The following GABRB1 variants were observed in gnomAD, a reference collection of about 807,000 sequenced individuals.
GABRB1 encodes gamma-aminobutyric acid type A receptor subunit beta1, also known as gamma-aminobutyric acid receptor subunit beta-1.
In GABRB1, 17 loss-of-function variants were observed where a neutral mutation model predicts 51.6. The ratio of observed to expected loss-of-function variants is 0.33; its 90% CI spans 0.23 to 0.49. The LOEUF (loss-of-function observed/expected upper bound fraction) is 0.49. Ranked by LOEUF, GABRB1 falls within the 20% of genes least tolerant of loss-of-function variation. GABRB1 has a pLI of 0.99. For missense variants in GABRB1, 410 were observed against 600.6 expected (o/e 0.68, Z 3.32); for synonymous variants, 247 against 218.9 (o/e 1.13, Z -1.14).
Position 47,425,835 on chromosome 4 carries a change from C to T in GABRB1, c.1242C>T (p.Tyr414=), listed in dbSNP as rs1422494010. 1.1e-5 allele frequency: 18 copies of T among 1,613,942 alleles called. No homozygotes were observed. The highest frequency in any genetic ancestry group is 1.6e-4 in the Middle Eastern group (1 of 6,084). ...YRKPLSSREA[Y]GRALDRHGVP... ...AGCCCCTGAGCAGCCGCGAGGCCTA[C>T]GGGCGCGCCCTGGACCGGCACGGGG... is the stretch of plus-strand genomic sequence containing the variant. Residue 414 remains tyrosine, a synonymous_variant, in exon 9 of 9, where the codon TAC becomes TAT. Transcript: ENST00000295454.
chr4:47,159,167 C>T (rs1717830175), intron 3 of GABRB1, among the ~76,000 whole-genome samples: 1 of 151,652 alleles, frequency 6.6e-6, no homozygotes, highest in Non-Finnish European at 1.5e-5. Flanking sequence ...CCTGTAGTCC[C>T]AAGTACTTGA....
chr4:47,261,075 G>A (rs1038059317), intron 4 of GABRB1, among the ~76,000 whole-genome samples: 10 of 152,018 alleles, frequency 6.6e-5, no homozygotes, highest in African/African-American at 1.2e-4. Context: ...TATCTATGAC[G>A]AACCCACAGC....
At chr4:47,175,881 C>T (rs1162627179) in intron 4 of GABRB1, among the ~76,000 whole-genome samples, 1 of 152,046 alleles carries the variant, frequency 6.6e-6, no homozygotes, top group Admixed American at 6.6e-5. Context: ...CTCTTGGCCA[C>T]TTGTTTAAAT....
chr4:47,299,167 A>G (rs1035057604), intron 4 of GABRB1, among the ~76,000 whole-genome samples: 1 of 152,218 alleles, frequency 6.6e-6, no homozygotes, highest in Admixed American at 6.5e-5. Flanking sequence ...ACCATTCAGG[A>G]CATAGACATG....
intron 5 of GABRB1, among the ~76,000 whole-genome samples, chr4:47,341,174 G>T (rs1281122792): frequency 6.6e-6 from 1 of 152,170 alleles, no homozygotes; most frequent in African/African-American, 2.4e-5. Context: ...AAGCTGTTGA[G>T]TCATTCACGG....
chr4:47,191,497 A>G (rs986232753), intron 4 of GABRB1, among the ~76,000 whole-genome samples: 2 of 152,130 alleles, frequency 1.3e-5, no homozygotes, highest in African/African-American at 4.8e-5. Flanking sequence ...AAATACATGG[A>G]TTATGGTACA....
intron 4 of GABRB1, among the ~76,000 whole-genome samples, chr4:47,194,251 G>A (rs1466694933): frequency 6.6e-6 from 1 of 152,172 alleles, no homozygotes; most frequent in Non-Finnish European, 1.5e-5. Context: ...AACAGCCTGA[G>A]ACACATATTC....
At chr4:47,103,316 T>C (rs1198392333) in intron 3 of GABRB1, among the ~76,000 whole-genome samples, 5 of 152,016 alleles carry the variant, frequency 3.3e-5, no homozygotes, top group Non-Finnish European at 7.4e-5. Flanking sequence ...CTTTCAGAAA[T>C]ACAAAAGTGA....
intron 8 of GABRB1, among the ~76,000 whole-genome samples, chr4:47,411,518 G>T (rs911560767): frequency 4.7e-4 from 72 of 152,194 alleles, no homozygotes; most frequent in Admixed American, 4.6e-3. Context: ...TGTGGGATGG[G>T]TATGACTGAT....
At chr4:47,212,540 A>G (rs1027943493) in intron 4 of GABRB1, among the ~76,000 whole-genome samples, 4 of 152,082 alleles carry the variant, frequency 2.6e-5, no homozygotes, top group Admixed American at 2.6e-4. Flanking sequence ...GTTTGCAGGC[A>G]TGGTGGCATG....
intron 5 of GABRB1, among the ~76,000 whole-genome samples, chr4:47,401,863 CTATCATCT>C (rs1428898358): frequency 7.8e-6 from 1 of 127,880 alleles, no homozygotes; most frequent in Non-Finnish European, 1.7e-5. Context: ...ATCTATCTAT[CTATCATCT>C]ATCTATCTAT....
chr4:47,100,752 A>T (rs1263981337), intron 3 of GABRB1, among the ~76,000 whole-genome samples: 1 of 152,036 alleles, frequency 6.6e-6, no homozygotes, highest in Non-Finnish European at 1.5e-5. Flanking sequence ...CCCTACTCTT[A>T]GCTATGGAAA....
At chr4:47,264,434 C>T (rs1722569692) in intron 4 of GABRB1, among the ~76,000 whole-genome samples, 1 of 152,220 alleles carries the variant, frequency 6.6e-6, no homozygotes, top group South Asian at 2.1e-4. Flanking sequence ...TAGTCTCATA[C>T]TGGAACATCC....
At chr4:47,361,459 G>C (rs1353398420) in intron 5 of GABRB1, among the ~76,000 whole-genome samples, 1 of 152,126 alleles carries the variant, frequency 6.6e-6, no homozygotes, top group African/African-American at 2.4e-5. Flanking sequence ...GCCTGCAGGA[G>C]TTGAGGTTGT....
chr4:47,038,978 G>GATC (rs1725713259), intron 3 of GABRB1, among the ~76,000 whole-genome samples: 1 of 152,038 alleles, frequency 6.6e-6, no homozygotes, highest in African/African-American at 2.4e-5. Flanking sequence ...GTTTTCAGTA[G>GATC]ATCAAGCATT....
At chr4:47,016,733 C>T (rs1486177543) in intron 1 of GABRB1, among the ~76,000 whole-genome samples, 2 of 151,924 alleles carry the variant, frequency 1.3e-5, no homozygotes, top group South Asian at 2.1e-4. Context: ...GGATTACAGG[C>T]GCCGACCACC....
intron 5 of GABRB1, among the ~76,000 whole-genome samples, chr4:47,323,288 A>C (rs1019226987): frequency 1.3e-5 from 2 of 152,216 alleles, no homozygotes; most frequent in Non-Finnish European, 2.9e-5. Flanking sequence ...ATTTTACTTA[A>C]AATGAATCCC....
intron 3 of GABRB1, among the ~76,000 whole-genome samples, chr4:47,159,105 G>A (rs1446133363): frequency 5.2e-5 from 7 of 135,088 alleles, no homozygotes; most frequent in Admixed American, 8.4e-5. Flanking sequence ...AGAAAGACCC[G>A]GTCTCAAAAA....
At chr4:47,002,637 G>A (rs548722517) in intron 1 of GABRB1, among the ~76,000 whole-genome samples, 11 of 151,798 alleles carry the variant, frequency 7.2e-5, no homozygotes, top group African/African-American at 1.7e-4. Flanking sequence ...TCAGACACAC[G>A]CAAACTAAAT....
Sources: gnomAD v4.1 joint callset for allele counts (sites outside exome capture counted in the v4.1 genomes callset) on GRCh38, gnomAD v4.1.1 for gene constraint, MANE v1.5 for transcripts, NCBI Gene and HGNC (gene_info 2026-07-23, HGNC 2026-07-21) for gene names.